The following MINK1 variants were observed in gnomAD, a reference collection of about 807,000 sequenced individuals.
MINK1 encodes misshapen like kinase 1.
In MINK1, 46 loss-of-function variants were observed where a neutral mutation model predicts 178.4. The ratio of observed to expected loss-of-function variants is 0.26; its 90% CI spans 0.20 to 0.33. The LOEUF is 0.33. MINK1 is among the 10% of genes least tolerant of loss of function. The pLI is 1.00. For synonymous variants in MINK1, 797 were observed against 709.7 expected (o/e 1.12, Z -1.96); for missense variants, 1,366 against 1,814.9 (o/e 0.75, Z 4.49).
At chr17:4,843,520 G>A (rs1223419521) in intron 1 of MINK1, among the ~76,000 whole-genome samples, 1 of 151,946 alleles carries the variant, frequency 6.6e-6, no homozygotes, top group Non-Finnish European at 1.5e-5. Context: ...AAAGGAAGTT[G>A]GTTGGTTCTA....
chr17:4,890,914 C>T, intron 14 of MINK1, 37 bp from the exon 15 acceptor site: 1 of 1,551,158 alleles, frequency 6.4e-7, no homozygotes. Context: ...AACAGGGAGG[C>T]AAGAGCTGGC....
At chr17:4,867,386 A>T (rs1323808120) in intron 1 of MINK1, among the ~76,000 whole-genome samples, 1 of 151,872 alleles carries the variant, frequency 6.6e-6, no homozygotes, top group Non-Finnish European at 1.5e-5. Context: ...ACAATGGCTC[A>T]CAATTGTAAT....
chr17:4,878,403 G>A, intron 2 of MINK1, 21 bp downstream of exon 2: 2 of 1,534,624 alleles, frequency 1.3e-6, no homozygotes, highest in South Asian at 1.2e-5. Context: ...TGGTGTGGAA[G>A]TATGACCTCC....
At chr17:4,876,735 G>C (rs548432978) in intron 1 of MINK1, among the ~76,000 whole-genome samples, 1 of 152,070 alleles carries the variant, frequency 6.6e-6, no homozygotes, top group South Asian at 2.1e-4. Context: ...TTCTGCCTCC[G>C]CTCGGTCCCT....
At chr17:4,838,401 G>C (rs1909622561) in intron 1 of MINK1, among the ~76,000 whole-genome samples, 1 of 152,116 alleles carries the variant, frequency 6.6e-6, no homozygotes, top group Non-Finnish European at 1.5e-5. Context: ...GTCAGCAAGA[G>C]AGCCAGCTGG....
In MINK1 at chr17:4,892,454, G is replaced by T; in HGVS notation, c.2140G>T (p.Gly714Cys). The change falls in exon 18 of 32, where the codon GGC becomes TGC. Residue 714 changes from glycine (G) to cysteine (C), a missense_variant. Around this residue, in one of 14 missense-constraint regions of MINK1, gnomAD observed 709 missense variants for 692.3 expected, o/e 1.02. Transcript: ENST00000355280. Reference sequence around the variant, plus strand: ...CTATCTGCAAAGGCGGGCAGAGCGGGGCACCCCAAAGCCTCCAGGGCCCCC... The same window carrying T: ...CTATCTGCAAAGGCGGGCAGAGCGGTGCACCCCAAAGCCTCCAGGGCCCCC... ...QIYLQRRAERGTPKPPGPPAQ... is the reference protein window; with the variant it reads ...QIYLQRRAERCTPKPPGPPAQ... 6.4e-7 allele frequency: 1 copy of T among 1,566,334 alleles called. No individual in the cohort carries two copies. Among genetic ancestry groups the T allele is most frequent in the Non-Finnish European group, 8.6e-7 (1 of 1,156,548 alleles).
Position 4,833,485 on chromosome 17 carries a change from C to G in MINK1, c.-99C>G. ...TCCGGGGGAGGCGCGGTGGAGTCCG[C>G]CCCCGGGGTTCTCCGATGGGGGAGA... On this transcript the variant is annotated 5_prime_UTR_variant, in exon 1 of 32. Transcript: ENST00000355280. The surrounding 1 kb of genome is among the most constrained non-coding windows in gnomAD (Gnocchi z 4.8). The G allele has an allele frequency of 1.9e-6, 2 of 1,052,860 alleles. No homozygotes were observed. Among genetic ancestry groups the G allele is most frequent in the South Asian group, 3.0e-5 (2 of 65,698 alleles). 65.2% of individuals were successfully genotyped at this position (1,052,860 alleles called of 1,614,324 possible). A position where few individuals can be genotyped will look rare whatever the true frequency, so the allele number is the denominator to read the frequency against.
intron 1 of MINK1, among the ~76,000 whole-genome samples, chr17:4,835,075 T>A (rs1909099604): frequency 6.6e-6 from 1 of 152,144 alleles, no homozygotes; most frequent in African/African-American, 2.4e-5. Context: ...ACGCTGAATT[T>A]CTCTGTGTGC....
intron 1 of MINK1, chr17:4,860,606 T>G: frequency 4.4e-6 from 2 of 456,280 alleles, no homozygotes; most frequent in South Asian, 3.1e-5. Context: ...GGCAGCACCG[T>G]GAGAGCTGCA....
In MINK1 at chr17:4,894,637, A is replaced by T; in HGVS notation, c.2917+4A>T. ...GGGGACAGCATCCCCATCACAGGTG[A>T]GGACAGGAGGACAGACCTGCTGTGA... On this transcript the variant is annotated splice_donor_region_variant and intron_variant, in intron 24 of 31. Coordinates refer to ENST00000355280, the MANE Select transcript of MINK1 (RefSeq NM_153827.5). This position sits in a 1 kb window ranked among gnomAD's most constrained non-coding sequence, Gnocchi z 4.1. The T allele has an allele frequency of 6.3e-7, 1 of 1,588,604 alleles. No homozygotes were observed. The highest frequency in any genetic ancestry group is 8.6e-7 in the Non-Finnish European group (1 of 1,165,172).
chr17:4,886,055 C>T lies in MINK1; in HGVS notation c.695-65C>T. On this transcript the variant is annotated intron_variant, in intron 8 of 31. Transcript: ENST00000355280. The surrounding 1 kb of genome is among the most constrained non-coding windows in gnomAD (Gnocchi z 6.1). ...GGAGGAGGTGGGTCCTGGGACCCTG[C>T]CGAGGAAGGGTCCTGTAGCTCCCAG... 1.9e-6 allele frequency: 3 copies of T among 1,609,590 alleles called. No homozygotes were observed. Among genetic ancestry groups the T allele is most frequent in the Admixed American group, 3.3e-5 (2 of 59,984 alleles).
At chr17:4,884,857 C>T in intron 5 of MINK1, 55 bp from the exon 6 acceptor site, 1 of 1,515,034 alleles carries the variant, frequency 6.6e-7, no homozygotes, top group Non-Finnish European at 9.1e-7. Flanking sequence ...TCCCCACTTA[C>T]TCTTTCCTAC....
chr17:4,875,440 A>T, intron 1 of MINK1: 1 of 452,896 alleles, frequency 2.2e-6, no homozygotes, highest in Admixed American at 2.4e-5. Context: ...ATGCCACCGC[A>T]CTCCCACCTG....
intron 1 of MINK1, among the ~76,000 whole-genome samples, chr17:4,866,599 C>T (rs1193803915): frequency 2.2e-5 from 3 of 134,426 alleles, no homozygotes; most frequent in Non-Finnish European, 3.2e-5. Flanking sequence ...TAGTGAGACC[C>T]TGATTCTACC....
intron 1 of MINK1, chr17:4,844,681 C>T (rs949193564): frequency 2.3e-5 from 9 of 395,696 alleles, no homozygotes; most frequent in East Asian, 1.7e-4. Flanking sequence ...AATGTAGGGC[C>T]GCTGGGTAGA....
rs888759043 is a variant in MINK1, at chr17:4,865,760, G to A, written c.58-12557G>A. Among the ~76,000 whole-genome samples the A allele has an allele frequency of 2.7e-5, 4 of 150,814 alleles. No homozygotes were observed. In the East Asian group the frequency reaches 5.8e-4, roughly 22 times the overall value. ...AAAAAGCCAGTATCCAGGCAGAGTGGTGTGTGTGCTTGTAGTCCCAGTTAC... is the reference window on the plus strand; with the variant it reads ...AAAAAGCCAGTATCCAGGCAGAGTGATGTGTGTGCTTGTAGTCCCAGTTAC... On this transcript the variant is annotated intron_variant, in intron 1 of 31. Coordinates refer to ENST00000355280, the MANE Select transcript of MINK1 (RefSeq NM_153827.5).
chr17:4,893,276 C>G lies in MINK1; in HGVS notation c.2401-158C>G, dbSNP rs1019590479. ...CTTCTGGCTCTTTCTTCCCCTGCGG[C>G]CCCTCCCAGAGCTATAAGCGAGCAA... is the stretch of plus-strand genomic sequence containing the variant. On this transcript the variant is annotated intron_variant, in intron 20 of 31. Coordinates refer to ENST00000355280, the MANE Select transcript of MINK1 (RefSeq NM_153827.5). The G allele has an allele frequency of 1.9e-6, 3 of 1,613,770 alleles. No homozygotes were observed. In the African/African-American group the frequency reaches 4.0e-5, roughly 22 times the overall value.
chr17:4,855,338 T>C (rs1161638121), intron 1 of MINK1, among the ~76,000 whole-genome samples: 1 of 149,044 alleles, frequency 6.7e-6, no homozygotes, highest in East Asian at 2.0e-4. Context: ...TACAAAAAAT[T>C]AGCTGGGCGT....
chr17:4,888,951 C>T (rs557264623), intron 12 of MINK1, among the ~76,000 whole-genome samples: 6 of 152,188 alleles, frequency 3.9e-5, no homozygotes, highest in Admixed American at 2.0e-4. Flanking sequence ...CCACCTGCCT[C>T]GGCCTCCCAA....
Sources: allele counts gnomAD v4.1 joint callset (sites outside exome capture counted in the v4.1 genomes callset), GRCh38; gene constraint gnomAD v4.1.1; regional missense constraint gnomAD v4.1.1; non-coding constraint Gnocchi (gnomAD v3.1); transcripts MANE v1.5; gene names NCBI Gene and HGNC (gene_info 2026-07-23, HGNC 2026-07-21).